The following UNC13C variants were observed in gnomAD, a reference collection of about 807,000 sequenced individuals.
UNC13C encodes protein unc-13 homolog C.
A neutral mutation model predicts 245.4 loss-of-function variants in UNC13C; 174 were observed. That is an observed-to-expected ratio of 0.71 (90% CI 0.63 to 0.80). The LOEUF (loss-of-function observed/expected upper bound fraction) is 0.80. UNC13C is among the 30% of genes least tolerant of loss of function. The pLI, the probability that UNC13C is intolerant of heterozygous loss-of-function variation, is 0.00. For missense variants in UNC13C, 2,829 were observed against 2,602.9 expected (o/e 1.09, Z -1.89); for synonymous variants, 992 against 895.1 (o/e 1.11, Z -1.93).
the UNC13C span, among the ~76,000 whole-genome samples, chr15:53,941,110 T>G: frequency 1.7e-4 from 26 of 152,164 alleles, no homozygotes; most frequent in Middle Eastern, 3.4e-3. Flanking sequence ...AACAGACACA[T>G]AGACCAATGG....
chr15:54,287,459 G>T (rs1321212920), intron 10 of UNC13C, among the ~76,000 whole-genome samples: 3 of 152,084 alleles, frequency 2.0e-5, no homozygotes, highest in Non-Finnish European at 4.4e-5. Context: ...AATCAGAATT[G>T]CATTAATCTC....
At chr15:53,868,448 G>A in the UNC13C span, among the ~76,000 whole-genome samples, 1 of 152,184 alleles carries the variant, frequency 6.6e-6, no homozygotes, top group African/African-American at 2.4e-5. Flanking sequence ...TTTGCTGGAT[G>A]TGGAGGTGAA....
upstream of UNC13C, chr15:53,976,874 C>T (rs1366762586): frequency 1.3e-5 from 2 of 152,178 alleles, no homozygotes; most frequent in Admixed American, 6.5e-5. Context: ...GTGTTCTTTT[C>T]TCTATGTATT....
chr15:54,544,948 T>G (rs1215030941), intron 26 of UNC13C, among the ~76,000 whole-genome samples: 4 of 152,164 alleles, frequency 2.6e-5, no homozygotes, highest in Non-Finnish European at 5.9e-5. Context: ...AAAAAACTAC[T>G]TTAACTTTCA....
intron 30 of UNC13C, among the ~76,000 whole-genome samples, chr15:54,582,658 C>T (rs1343003464): frequency 1.3e-5 from 2 of 152,108 alleles, no homozygotes; most frequent in Non-Finnish European, 2.9e-5. Flanking sequence ...AGTCTGAGCT[C>T]TGCAGAAGGG....
Position 54,243,600 on chromosome 15 carries a change from T to TG in UNC13C, c.3228+5910_3228+5911insG, listed in dbSNP as rs2035917483. 1.3e-5 allele frequency among the ~76,000 whole-genome samples: 2 copies of TG among 151,714 alleles called. 1 individual carries two copies. Among genetic ancestry groups the TG allele is most frequent in the Admixed American group, 1.3e-4 (2 of 15,282 alleles). On this transcript the variant is annotated intron_variant, in intron 7 of 32. Coordinates refer to ENST00000260323, the MANE Select transcript of UNC13C (RefSeq NM_001080534.3). Reference sequence around the variant, plus strand: ...GCTAATTTAATTCCCACCAACAGTGTAAAGCATTCCTTTTTTTCTGCAACC... The same window carrying TG: ...GCTAATTTAATTCCCACCAACAGTGTGAAAGCATTCCTTTTTTTCTGCAACC...
intron 4 of UNC13C, among the ~76,000 whole-genome samples, chr15:54,158,545 T>C (rs528847303): frequency 6.6e-5 from 10 of 151,698 alleles, no homozygotes; most frequent in African/African-American, 2.4e-4. Context: ...GGTCTTGATC[T>C]CCTGACCTCG....
intron 19 of UNC13C, among the ~76,000 whole-genome samples, chr15:54,460,122 G>A (rs906583403): frequency 2.0e-5 from 3 of 152,140 alleles, no homozygotes; most frequent in Non-Finnish European, 2.9e-5. Flanking sequence ...CCTAGGAATG[G>A]GGCTTCCTGA....
Position 54,015,609 on chromosome 15 carries a change from G to T in UNC13C, c.2706G>T (p.Met902Ile), listed in dbSNP as rs1348191215. ...GTATTACTGAAACAGATGAACAAATGCAAGCATATGATCACCTTTCATATG... is the reference window on the plus strand; with the variant it reads ...GTATTACTGAAACAGATGAACAAATTCAAGCATATGATCACCTTTCATATG... ...RTSITETDEQ[M>I]QAYDHLSYET... Residue 902 changes from methionine to isoleucine, a missense_variant, in exon 2 of 33, where the codon ATG becomes ATT. Met to Ile is a conservative substitution (Grantham distance 10, BLOSUM62 1). Transcript: ENST00000260323. 5 of 1,613,772 alleles carry T rather than the reference G, an allele frequency of 3.1e-6. No individual in the cohort carries two copies. Among genetic ancestry groups the T allele is most frequent in the Non-Finnish European group, 4.2e-6 (5 of 1,179,778 alleles).
the UNC13C span, among the ~76,000 whole-genome samples, chr15:53,939,759 C>G: frequency 6.6e-6 from 1 of 151,994 alleles, no homozygotes; most frequent in African/African-American, 2.4e-5. Flanking sequence ...TCAATAGATG[C>G]AGAAAAGGCC....
chr15:54,015,514 G>C lies in UNC13C; in HGVS notation c.2611G>C (p.Val871Leu). Reference protein sequence around the residue: ...AEDEEDYTEPVADNETDYVEV... With the variant: ...AEDEEDYTEPLADNETDYVEV... ...GGATGAGGAAGATTATACTGAACCA[G>C]TGGCTGACAATGAAACAGATTATGT... Residue 871 changes from valine to leucine, a missense_variant, in exon 2 of 33, where the codon GTG (valine) becomes CTG (leucine). Transcript: ENST00000260323. 6.2e-7 allele frequency: 1 copy of C among 1,612,942 alleles called. No homozygotes were observed. The highest frequency in any genetic ancestry group is 8.5e-7 in the Non-Finnish European group (1 of 1,179,128).
intron 4 of UNC13C, among the ~76,000 whole-genome samples, chr15:54,183,153 G>A (rs1162374911): frequency 3.3e-5 from 5 of 151,498 alleles, no homozygotes; most frequent in African/African-American, 7.3e-5. Flanking sequence ...AGCAGAGATG[G>A]GAAAATGAAT....
chr15:54,539,355 A>G (rs1392702156), intron 26 of UNC13C, among the ~76,000 whole-genome samples: 2 of 152,084 alleles, frequency 1.3e-5, no homozygotes, highest in African/African-American at 4.8e-5. Context: ...TAGGTGCAGA[A>G]GAAAAGCAGA....
chr15:54,145,477 A>G (rs1422671399), intron 4 of UNC13C, among the ~76,000 whole-genome samples: 3 of 152,170 alleles, frequency 2.0e-5, no homozygotes, highest in Non-Finnish European at 1.5e-5. Context: ...ACTCTCGTTC[A>G]TATTCTAATG....
intron 19 of UNC13C, among the ~76,000 whole-genome samples, chr15:54,473,218 A>AT (rs1555470486): frequency 2.3e-4 from 31 of 133,448 alleles, no homozygotes; most frequent in African/African-American, 7.1e-4. Flanking sequence ...ATTTTATTTT[A>AT]TTTTATTTTA....
At chr15:54,609,770 C>T (rs751893321) in intron 30 of UNC13C, among the ~76,000 whole-genome samples, 1 of 152,134 alleles carries the variant, frequency 6.6e-6, no homozygotes, top group Non-Finnish European at 1.5e-5. Flanking sequence ...ATATCCAAGA[C>T]TGGGTAATTT....
intron 17 of UNC13C, among the ~76,000 whole-genome samples, chr15:54,359,351 A>G (rs1019083878): frequency 6.6e-6 from 1 of 151,922 alleles, no homozygotes; most frequent in Non-Finnish European, 1.5e-5. Flanking sequence ...AGTTGAAAGT[A>G]TTCCCACCTC....
chr15:54,001,559 G>A (rs1894888549), intron 1 of UNC13C, among the ~76,000 whole-genome samples: 1 of 152,166 alleles, frequency 6.6e-6, no homozygotes, highest in Admixed American at 6.5e-5. Flanking sequence ...CTGACCTGCA[G>A]TCAGTAAACG....
chr15:53,838,360 A>G, the UNC13C span, among the ~76,000 whole-genome samples: 15 of 152,224 alleles, frequency 9.9e-5, no homozygotes, highest in East Asian at 2.9e-3. Context: ...ATTTGCTAGC[A>G]TACTTGTAGC....
Sources: gnomAD v4.1 joint callset for allele counts (sites outside exome capture counted in the v4.1 genomes callset) on GRCh38, gnomAD v4.1.1 for gene constraint, MANE v1.5 for transcripts, NCBI Gene and HGNC (gene_info 2026-07-23, HGNC 2026-07-21) for gene names.